The following POLN variants were observed in gnomAD, a reference collection of about 807,000 sequenced individuals.
POLN encodes DNA polymerase nu, also known as DNA polymerase N.
A neutral mutation model predicts 113.5 loss-of-function variants in POLN; 108 were observed. The ratio of observed to expected loss-of-function variants is 0.95; its 90% confidence interval spans 0.81 to 1.12. The LOEUF (loss-of-function observed/expected upper bound fraction) is 1.12. Among genes scored for constraint, POLN ranks in the 50% most tolerant of loss-of-function variants. The pLI, the probability that POLN is intolerant of heterozygous loss-of-function variation, is 0.00. For synonymous variants in POLN, 386 were observed against 391.5 expected, an observed-to-expected ratio of 0.99 and a Z score of 0.17; for missense variants, 1,097 against 1,077.1, an observed-to-expected ratio of 1.02 and a Z score of -0.26.
rs1406092052 is a variant in POLN, at chr4:2,213,085, G to C, written c.175C>G (p.Gln59Glu). ...INKSSVKYSV[Q>E]LEDRKTQSPE... ...GATTGAGTCTTCCTGTCTTCAAGTT[G>C]TACTGAATACTTAACACTGGACTTG... The change falls in exon 4 of 26, where the codon CAA becomes GAA. Residue 59 changes from glutamine (Q) to glutamate (E), a missense_variant. Coordinates refer to ENST00000511885, the MANE Select transcript of POLN (RefSeq NM_181808.4). 1 of 1,609,748 alleles carries C rather than the reference G, an allele frequency of 6.2e-7. No homozygotes were observed. The highest frequency in any genetic ancestry group is 8.5e-7 in the Non-Finnish European group (1 of 1,178,448).
At chr4:2,166,950 A>G (rs1732743856) in intron 13 of POLN, among the ~76,000 whole-genome samples, 1 of 152,150 alleles carries the variant, frequency 6.6e-6, no homozygotes, top group Admixed American at 6.5e-5. Context: ...ATCTGTATCT[A>G]TATCTGCATA....
intron 15 of POLN, 44 bp from the exon 16 acceptor site, chr4:2,156,897 T>C (rs1329896607): frequency 1.3e-6 from 2 of 1,500,646 alleles, no homozygotes; most frequent in Non-Finnish European, 9.3e-7. Context: ...AGCAATGCTA[T>C]GTGAAGTTAA....
At chr4:2,138,294 A>G (rs1465534407) in intron 16 of POLN, among the ~76,000 whole-genome samples, 3 of 152,360 alleles carry the variant, frequency 2.0e-5, no homozygotes, top group South Asian at 4.1e-4. Context: ...CCTAAGAGCT[A>G]GGTGAGGAGA....
rs34062934 is a variant in POLN, at chr4:2,229,695, A to T, written c.-12-452T>A. On this transcript the variant is annotated intron_variant, in intron 2 of 25. Coordinates refer to ENST00000511885, the MANE Select transcript of POLN (RefSeq NM_181808.4). ...CAAAAAATTAACCAGGCATGGTGGC[A>T]CCTGTAATCCCAGCTACTCGGGAGG... The T allele has an allele frequency of 1.2e-3, 189 of 152,302 alleles. 8 individuals carry two copies. The East Asian group carries it at 0.029, about 23-fold the overall frequency. 9.4% of individuals were successfully genotyped at this position (152,302 alleles called of 1,614,324 possible).
Position 2,179,469 on chromosome 4 carries a change from A to T in POLN, c.1022-4T>A. 6.2e-7 allele frequency: 1 copy of T among 1,612,690 alleles called. No homozygotes were observed. On this transcript the variant is annotated splice_region_variant and splice_polypyrimidine_tract_variant and intron_variant, in intron 7 of 25. Transcript: ENST00000511885. The stretch of plus-strand genomic sequence containing the variant: ...TCTAGCCCTATAAAATCAGCAACTG[A>T]AGAGAAAAAGGTCATTCAGTCATCC...
chr4:2,073,975 G>A (rs979164988), intron 24 of POLN, among the ~76,000 whole-genome samples: 25 of 152,250 alleles, frequency 1.6e-4, no homozygotes, highest in Non-Finnish European at 3.7e-4. Context: ...GAGCCCTGCA[G>A]AAGGACCTGG....
intron 19 of POLN, among the ~76,000 whole-genome samples, chr4:2,122,390 G>C (rs1442039449): frequency 6.6e-6 from 1 of 152,200 alleles, no homozygotes; most frequent in Non-Finnish European, 1.5e-5. Context: ...GAGGGACACA[G>C]AGAAAGGGAG....
At chr4:2,091,913 A>AT (rs766982800) in intron 20 of POLN, among the ~76,000 whole-genome samples, 21 of 152,134 alleles carry the variant, frequency 1.4e-4, no homozygotes, top group Non-Finnish European at 2.6e-4. Flanking sequence ...ACTCCTGTTT[A>AT]TGTCTCTAGG....
At chr4:2,082,611 GT>G (rs1407207140) in intron 21 of POLN, 3 of 152,240 alleles carry the variant, frequency 2.0e-5, no homozygotes, top group African/African-American at 7.2e-5. Flanking sequence ...TCCTCCACTT[GT>G]GACTGAGGAT....
In POLN at chr4:2,202,516, G is replaced by A. The variant is rs563757647; in HGVS notation, c.715-3799C>T. Among the ~76,000 whole-genome samples the A allele has an allele frequency of 9.2e-5, 14 of 152,202 alleles. No individual in the cohort carries two copies. The East Asian group carries it at 2.5e-3, about 27-fold the overall frequency. ...ACACGGGCAGATCACTTGAGGTCAG[G>A]AGTTCAAGACCAGCCTGGCCAACAT... On this transcript the variant is annotated intron_variant, in intron 5 of 25. Transcript: ENST00000511885.
chr4:2,135,014 GCAC>G (rs2108727943), intron 16 of POLN, among the ~76,000 whole-genome samples: 1 of 152,312 alleles, frequency 6.6e-6, no homozygotes, highest in South Asian at 2.1e-4. Flanking sequence ...TACAGAGAAA[GCAC>G]CACGATATGC....
At chr4:2,207,742 G>A (rs749563132) in intron 5 of POLN, among the ~76,000 whole-genome samples, 30 of 152,198 alleles carry the variant, frequency 2.0e-4, no homozygotes, top group Non-Finnish European at 8.8e-5. Context: ...TGTTGACAAG[G>A]AGGTGGAGAA....
chr4:2,180,471 C>T (rs1733110426), intron 7 of POLN, among the ~76,000 whole-genome samples: 1 of 152,166 alleles, frequency 6.6e-6, no homozygotes, highest in African/African-American at 2.4e-5. Context: ...GTTCAGGCAT[C>T]TTTAAATTAT....
At chr4:2,098,238 A>T (rs1346897211) in intron 19 of POLN, among the ~76,000 whole-genome samples, 1 of 152,068 alleles carries the variant, frequency 6.6e-6, no homozygotes, top group East Asian at 1.9e-4. Context: ...ACATAGCAAG[A>T]CCCTGTCTCT....
chr4:2,197,586 T>C (rs985354229), intron 6 of POLN, among the ~76,000 whole-genome samples: 2 of 152,202 alleles, frequency 1.3e-5, no homozygotes, highest in African/African-American at 4.8e-5. Context: ...TTCAGAAACA[T>C]CATCCAGATA....
At chr4:2,123,660 G>GC (rs1411670172) in intron 19 of POLN, among the ~76,000 whole-genome samples, 1 of 146,716 alleles carries the variant, frequency 6.8e-6, no homozygotes, top group Admixed American at 6.8e-5. Flanking sequence ...AAAAAATTCA[G>GC]CCAGGCATGG....
chr4:2,190,170 G>T (rs1733404262), intron 7 of POLN, among the ~76,000 whole-genome samples: 1 of 152,114 alleles, frequency 6.6e-6, no homozygotes, highest in East Asian at 1.9e-4. Flanking sequence ...ATACTACAAA[G>T]CTATAGTAAC....
intron 10 of POLN, among the ~76,000 whole-genome samples, 155 bp downstream of exon 10, chr4:2,174,536 T>A (rs181222339): frequency 6.6e-6 from 1 of 152,142 alleles, no homozygotes; most frequent in East Asian, 1.9e-4. Flanking sequence ...GTCCAACCCC[T>A]CACTACAGAA....
chr4:2,080,368 C>A, intron 23 of POLN: 1 of 15,834 alleles, frequency 6.3e-5, no homozygotes, highest in Non-Finnish European at 1.3e-4. Context: ...CAGGGCGGAG[C>A]CCCCCCCCAC....
Sources: gnomAD v4.1 joint callset for allele counts (sites outside exome capture counted in the v4.1 genomes callset) on GRCh38, gnomAD v4.1.1 for gene constraint, MANE v1.5 for transcripts, NCBI Gene and HGNC (gene_info 2026-07-23, HGNC 2026-07-21) for gene names.